Variants in METTL17 observed in about 807,000 individuals in gnomAD.
The protein encoded by METTL17 is methyltransferase like 17.
In METTL17, 49 loss-of-function variants were observed where a neutral mutation model predicts 59.4. The ratio of observed to expected loss-of-function variants is 0.82; its 90% CI spans 0.66 to 1.05. The LOEUF (loss-of-function observed/expected upper bound fraction) is 1.05, where lower values mean the gene tolerates loss of function less well. Among genes scored for constraint, METTL17 ranks in the 50% least tolerant of loss-of-function variants. The probability of loss-of-function intolerance (pLI) is 0.00; values close to 1 mark genes in which losing one functional copy is unlikely to be tolerated. For missense variants in METTL17, 555 were observed against 578.4 expected, an observed-to-expected ratio of 0.96 and a Z score of 0.41; for synonymous variants, 208 against 209.2, an observed-to-expected ratio of 0.99 and a Z score of 0.05.
At chr14:20,990,151 T>C in intron 1 of METTL17, 74 bp downstream of exon 1, 1 of 1,599,122 alleles carries the variant, frequency 6.3e-7, no homozygotes, top group Non-Finnish European at 8.5e-7. Context: ...GGAGGAGCGC[T>C]CCTGGCAGCC....
intron 6 of METTL17, chr14:20,993,708 T>A (rs772259230): frequency 1.5e-5 from 4 of 265,038 alleles, no homozygotes; most frequent in East Asian, 8.7e-5. Flanking sequence ...CTCCTGACCT[T>A]GTGATCCGCC....
rs373340733 is a variant in METTL17, at chr14:20,994,022, G to C, written c.656G>C (p.Arg219Thr). Residue 219 changes from arginine to threonine, a missense_variant, in exon 7 of 14, where the codon AGA (arginine) becomes ACA (threonine). By Grantham distance (71) the Arg-to-Thr change is moderately conservative (BLOSUM62 -1). Transcript: ENST00000339374. ...CTACGTGAATATATGTGTGTGGACA[G>C]ATCAGCTGCCATGTTGGTTTTGGCA... is the stretch of plus-strand genomic sequence containing the variant. ...QSLREYMCVD[R>T]SAAMLVLAEK... 2.5e-6 allele frequency: 4 copies of C among 1,613,950 alleles called. No homozygotes were observed. The highest frequency in any genetic ancestry group is 3.4e-6 in the Non-Finnish European group (4 of 1,179,936).
chr14:20,992,879 T>G (rs891849868), intron 5 of METTL17: 1 of 595,294 alleles, frequency 1.7e-6, no homozygotes, highest in African/African-American at 1.9e-5. Context: ...GAGTGAGACC[T>G]CATCTCTTAA....
Position 20,996,634 on chromosome 14 carries a change from T to G in METTL17, c.1188T>G (p.Pro396=). 1 of 1,614,110 alleles carries G rather than the reference T, an allele frequency of 6.2e-7. No homozygotes were observed. The part of the protein sequence containing the change: ...PRITQPVLKR[P]RHVHCHLCCP... Reference sequence around the variant, plus strand: ...TCACTCAGCCTGTCCTTAAACGGCCTCGCCATGTGCATTGTCACTTGTGCT... The same window carrying G: ...TCACTCAGCCTGTCCTTAAACGGCCGCGCCATGTGCATTGTCACTTGTGCT... The change falls in exon 13 of 14, where the codon CCT becomes CCG. Residue 396 remains proline (P), a synonymous_variant. Coordinates refer to ENST00000339374, the MANE Select transcript of METTL17 (RefSeq NM_022734.3).
In METTL17 at chr14:20,994,052, A is replaced by G; in HGVS notation, c.686A>G (p.Lys229Arg). 6.2e-7 allele frequency: 1 copy of G among 1,613,726 alleles called. No homozygotes were observed. Among genetic ancestry groups the G allele is most frequent in the Admixed American group, 1.7e-5 (1 of 60,000 alleles). Reference sequence around the variant, plus strand: ...GCTGCCATGTTGGTTTTGGCAGAAAAACTACTGAAAGGTGAGTGCAAGAGC... The same window carrying G: ...GCTGCCATGTTGGTTTTGGCAGAAAGACTACTGAAAGGTGAGTGCAAGAGC... Reference protein sequence around the residue: ...RSAAMLVLAEKLLKGGSESGE... With the variant: ...RSAAMLVLAERLLKGGSESGE... Residue 229 changes from lysine (K) to arginine (R), a missense_variant, in exon 7 of 14, where the codon AAA (lysine) becomes AGA (arginine). Coordinates refer to ENST00000339374, the MANE Select transcript of METTL17 (RefSeq NM_022734.3).
At chr14:20,992,721 C>A in intron 5 of METTL17, 99 bp downstream of exon 5, 1 of 941,482 alleles carries the variant, frequency 1.1e-6, no homozygotes, top group Non-Finnish European at 1.7e-6. Context: ...ATTGCATATG[C>A]ATTTTTTTTT....
At chr14:20,993,383 C>A in intron 6 of METTL17, 192 bp downstream of exon 6, 12 of 471,926 alleles carry the variant, frequency 2.5e-5, no homozygotes, top group South Asian at 9.5e-5. Flanking sequence ...AAAGAAATGT[C>A]AAGTAAAAAA....
At chr14:20,990,843 T>G in intron 3 of METTL17, 2 of 494,254 alleles carry the variant, frequency 4.0e-6, no homozygotes, top group Non-Finnish European at 3.6e-6. Flanking sequence ...TGTTTTGTTT[T>G]TGCTTTGAGA....
Position 20,990,458 on chromosome 14 carries a change from C to G in METTL17, c.230-6C>G, listed in dbSNP as rs773574389. On this transcript the variant is annotated splice_region_variant and splice_polypyrimidine_tract_variant and intron_variant, in intron 2 of 13. Coordinates refer to ENST00000339374, the MANE Select transcript of METTL17 (RefSeq NM_022734.3). The stretch of plus-strand genomic sequence containing the variant: ...AGTGATTCCGCTTTTCGTCTTTGGC[C>G]CATAGGGAGCGCTGGGCCCACTATG... 40 of 1,614,088 alleles carry G rather than the reference C, an allele frequency of 2.5e-5. No homozygotes were observed. The highest frequency in any genetic ancestry group is 3.3e-4 in the Middle Eastern group (2 of 6,060).
rs1158873867 is a variant in METTL17 at position 20,994,080 on chromosome 14, T to C, written c.697+17T>C. The C allele has an allele frequency of 6.2e-7, 1 of 1,600,244 alleles. No homozygotes were observed. The highest frequency in any genetic ancestry group is 2.2e-5 in the East Asian group (1 of 44,798). The stretch of plus-strand genomic sequence containing the variant: ...TACTGAAAGGTGAGTGCAAGAGCAC[T>C]TCCAAAGTTGAGGGAGTTAAGAAAG... On this transcript the variant is annotated intron_variant, in intron 7 of 13. Coordinates refer to ENST00000339374, the MANE Select transcript of METTL17 (RefSeq NM_022734.3).
chr14:20,992,281 C>G (rs1042334713), intron 4 of METTL17, 76 bp downstream of exon 4: 43 of 923,388 alleles, frequency 4.7e-5, no homozygotes, highest in African/African-American at 6.7e-5. Context: ...TACAATTACA[C>G]AATCAATTTA....
Position 20,994,058 on chromosome 14 carries a change from T to C in METTL17, c.692T>C (p.Leu231Pro). Residue 231 changes from leucine (L) to proline (P), a missense_variant, in exon 7 of 14, where the codon CTG becomes CCG. Physicochemically the swap from Leu to Pro is moderately conservative, Grantham distance 98. Transcript: ENST00000339374. ...ATGTTGGTTTTGGCAGAAAAACTAC[T>C]GAAAGGTGAGTGCAAGAGCACTTCC... ...AAMLVLAEKL[L>P]KGGSESGEPY... The C allele has an allele frequency of 6.2e-7, 1 of 1,613,250 alleles. No homozygotes were observed. The highest frequency in any genetic ancestry group is 8.5e-7 in the Non-Finnish European group (1 of 1,179,298).
Position 20,994,920 on chromosome 14 carries a change from T to C in METTL17, c.876+19T>C. ...TTTCCTGGTGAGTTAAAATTCCTTGTTCTCCTTAAGTCTTGAAGCAGCTTC... is the reference window on the plus strand; with the variant it reads ...TTTCCTGGTGAGTTAAAATTCCTTGCTCTCCTTAAGTCTTGAAGCAGCTTC... On this transcript the variant is annotated intron_variant, in intron 9 of 13. Coordinates refer to ENST00000339374, the MANE Select transcript of METTL17 (RefSeq NM_022734.3). 6.3e-7 allele frequency: 1 copy of C among 1,584,232 alleles called. No individual in the cohort carries two copies. Among genetic ancestry groups the C allele is most frequent in the Non-Finnish European group, 8.7e-7 (1 of 1,155,276 alleles).
rs781448018 is a variant in METTL17 at position 20,996,714 on chromosome 14, A to G, written c.1265+3A>G. On this transcript the variant is annotated splice_donor_region_variant and intron_variant, in intron 13 of 13. Coordinates refer to ENST00000339374, the MANE Select transcript of METTL17 (RefSeq NM_022734.3). ...CTCACAGCCCGCCGGCACGGCAGGT[A>G]TGGGGGGTGTGACCAAAATCAGTGG... 1 of 1,614,204 alleles carries G rather than the reference A, an allele frequency of 6.2e-7. No individual in the cohort carries two copies.
intron 13 of METTL17, 33 bp downstream of exon 13, chr14:20,996,744 T>C (rs1378365212): frequency 4.3e-6 from 7 of 1,614,230 alleles, no homozygotes; most frequent in Non-Finnish European, 5.9e-6. Flanking sequence ...CAGTGGGATG[T>C]GGCAGGAAGC....
chr14:20,990,172 C>A, intron 1 of METTL17, 58 bp from the exon 2 acceptor site: 1 of 1,610,006 alleles, frequency 6.2e-7, no homozygotes, highest in Non-Finnish European at 8.5e-7. Context: ...CCCGCCCTAG[C>A]GATTGCCAGC....
Position 20,992,227 on chromosome 14 carries a change from G to A in METTL17, c.446+22G>A. 3 of 1,430,446 alleles carry A rather than the reference G, an allele frequency of 2.1e-6. No homozygotes were observed. The Admixed American group carries it at 5.9e-5, about 28-fold the overall frequency. The allele number at this position is 1,430,446 out of a possible 1,614,324, so 88.6% of individuals were successfully genotyped here. ...TGAGGTAAGGGGGCCCAGAAGAGGTGCACAAGAAAGCAAAGGTAGACTTTA... is the reference window on the plus strand; with the variant it reads ...TGAGGTAAGGGGGCCCAGAAGAGGTACACAAGAAAGCAAAGGTAGACTTTA... On this transcript the variant is annotated intron_variant, in intron 4 of 13. Transcript: ENST00000339374.
intron 6 of METTL17, 80 bp downstream of exon 6, chr14:20,993,271 C>T: frequency 8.4e-7 from 1 of 1,192,188 alleles, no homozygotes; most frequent in South Asian, 1.2e-5. Flanking sequence ...AATTAACAGA[C>T]TGGAAAACCA....
chr14:20,996,255 G>C lies in METTL17; in HGVS notation c.1043G>C (p.Ser348Thr), dbSNP rs1388190302. The C allele has an allele frequency of 1.2e-6, 2 of 1,614,114 alleles. No homozygotes were observed. The highest frequency in any genetic ancestry group is 1.1e-5 in the South Asian group (1 of 91,078). ...CCCCAGTTGACCAACCTGGCCTGTA[G>C]CTTCTCACAGGCGTACCATCCCATC... ...PCPQLTNLACSFSQAYHPIPF... is the reference protein window; with the variant it reads ...PCPQLTNLACTFSQAYHPIPF... The change falls in exon 12 of 14, where the codon AGC (serine) becomes ACC (threonine). Residue 348 changes from serine (S) to threonine (T), a missense_variant. Transcript: ENST00000339374.
Sources: allele counts gnomAD v4.1 joint callset, GRCh38; gene constraint gnomAD v4.1.1; transcripts MANE v1.5; gene names NCBI Gene and HGNC (gene_info 2026-07-23, HGNC 2026-07-21).